The following HOXB3 variants were observed in gnomAD, a reference collection of about 807,000 sequenced individuals.
HOXB3 encodes homeobox B3.
A neutral mutation model predicts 29.2 loss-of-function variants in HOXB3; 17 were observed. The observed-to-expected ratio is 0.58, with a 90% CI of 0.40 to 0.87. HOXB3 has a LOEUF of 0.87. Ranked by LOEUF, HOXB3 falls within the 40% of genes least tolerant of loss-of-function variation. HOXB3 has a pLI of 0.00. For missense variants in HOXB3, 637 were observed against 616.3 expected (o/e 1.03, Z -0.35); for synonymous variants, 317 against 285.9 (o/e 1.11, Z -1.10).
intron 1 of HOXB3, among the ~76,000 whole-genome samples, chr17:48,586,422 AC>A (rs1269748107): frequency 1.3e-5 from 2 of 151,842 alleles, no homozygotes; most frequent in East Asian, 3.9e-4. Flanking sequence ...GCGTGCCCCC[AC>A]CCCCGGTCTA....
Position 48,554,956 on chromosome 17 carries a change from GC to G in HOXB3, c.-159+574del. 1 of 626,520 alleles carries G rather than the reference GC, an allele frequency of 1.6e-6. No individual in the cohort carries two copies. The highest frequency in any genetic ancestry group is 2.9e-6 in the Non-Finnish European group (1 of 349,642). The allele number at this position is 626,520 out of a possible 1,614,324, so 38.8% of individuals were successfully genotyped here. ...CAAGCCAAACAGATCTATTTCCCTT[GC>G]CTCCATGTTGGAAAAATTCAGGTTC... On this transcript the variant is annotated intron_variant, in intron 3 of 4. Transcript: ENST00000498678. The surrounding 1 kb of genome is among the most constrained non-coding windows in gnomAD (Gnocchi z 4.1).
Position 48,574,068 on chromosome 17 carries a change from T to G in HOXB3, c.-424-54A>C, listed in dbSNP as rs549703844. On this transcript the variant is annotated intron_variant, in intron 1 of 4. Transcript: ENST00000498678. ...TACGTATTTAAAGAAAAGAAGTGAT[T>G]AATGGTTTTCTGTATAATTCTCACA... 1.4e-5 allele frequency: 8 copies of G among 579,672 alleles called. No homozygotes were observed. In the South Asian group the frequency reaches 1.7e-4, roughly 13 times the overall value. 35.9% of individuals were successfully genotyped at this position (579,672 alleles called of 1,614,324 possible).
intron 3 of HOXB3, chr17:48,555,328 G>C (rs1597817863): frequency 7.4e-6 from 4 of 539,724 alleles, no homozygotes; most frequent in South Asian, 4.1e-5. Flanking sequence ...AGAGGGGAGA[G>C]AGAGAGGGAG....
intron 1 of HOXB3, chr17:48,578,059 G>T (rs1379525727): frequency 8.6e-6 from 10 of 1,169,422 alleles, no homozygotes; most frequent in Non-Finnish European, 1.1e-5. Flanking sequence ...GGGACAGACC[G>T]GGCGGTGGCG....
rs759220924 is a variant in HOXB3 at position 48,550,287 on chromosome 17, G to A, written c.*47C>T. On this transcript the variant is annotated 3_prime_UTR_variant, in exon 5 of 5. Transcript: ENST00000498678. ...CCAGGTTGCCCCCCAGAGCTCCACA[G>A]TCTCTCTCTTCCTCCCCATCCCCTA... 4 of 1,611,132 alleles carry A rather than the reference G, an allele frequency of 2.5e-6. No individual in the cohort carries two copies. Among genetic ancestry groups the A allele is most frequent in the Admixed American group, 1.7e-5 (1 of 59,930 alleles).
At chr17:48,568,175 GT>G (rs1167885748) in intron 2 of HOXB3, among the ~76,000 whole-genome samples, 1 of 152,144 alleles carries the variant, frequency 6.6e-6, no homozygotes, top group African/African-American at 2.4e-5. Flanking sequence ...TCAGAGTTGG[GT>G]TTGTTCATCC....
At chr17:48,569,586 T>C (rs978502522) in intron 2 of HOXB3, among the ~76,000 whole-genome samples, 1 of 152,174 alleles carries the variant, frequency 6.6e-6, no homozygotes, top group Non-Finnish European at 1.5e-5. Context: ...CCTTTAGGAT[T>C]AAGGTTCCCT....
intron 2 of HOXB3, among the ~76,000 whole-genome samples, chr17:48,566,957 T>C (rs1422134698): frequency 1.3e-5 from 2 of 152,210 alleles, no homozygotes; most frequent in African/African-American, 4.8e-5. Flanking sequence ...GGAGCCCCTA[T>C]GCCCCAGGTC....
intron 2 of HOXB3, among the ~76,000 whole-genome samples, chr17:48,570,079 G>A (rs2069534447): frequency 6.6e-6 from 1 of 152,126 alleles, no homozygotes; most frequent in Admixed American, 6.5e-5. Context: ...GGAGGGAAAA[G>A]AAAAGAAAAG....
rs1555637602 is a variant in HOXB3 at position 48,561,214 on chromosome 17, A to ACACACACACACACACACG, written c.-246-5597_-246-5596insCGTGTGTGTGTGTGTGTG. 1.1e-4 allele frequency among the ~76,000 whole-genome samples: 17 copies of ACACACACACACACACACG among 151,842 alleles called. No individual in the cohort carries two copies. In the East Asian group the frequency reaches 3.3e-3, roughly 29 times the overall value. On this transcript the variant is annotated intron_variant, in intron 2 of 4. Transcript: ENST00000498678. ...CACACACACACACACACACACACAC[A>ACACACACACACACACACG]CACACACACACACTGAACAATGACA... is the stretch of plus-strand genomic sequence containing the variant.
chr17:48,552,031 G>A lies in HOXB3; in HGVS notation c.444C>T (p.Gly148=). Residue 148 remains glycine (G), a synonymous_variant, in exon 4 of 5, where the codon GGC becomes GGT. Transcript: ENST00000498678. ...AGGAAGGCAGAGAACTGGTACCTGT[G>A]CCGGGGGAGTTGTTTTTCAGCTTGG... ...QTSKLKNNSP[G]TAEGCGGGGG... is the part of the protein sequence containing the mutation. 1 of 1,570,640 alleles carries A rather than the reference G, an allele frequency of 6.4e-7. No individual in the cohort carries two copies. The highest frequency in any genetic ancestry group is 8.7e-7 in the Non-Finnish European group (1 of 1,154,134).
At chr17:48,555,682 C>A in intron 2 of HOXB3, 64 bp from the exon 3 acceptor site, 1 of 693,586 alleles carries the variant, frequency 1.4e-6, no homozygotes, top group South Asian at 1.5e-5. Context: ...CCCCCGCCCC[C>A]GCCCCGCAAA....
Position 48,554,864 on chromosome 17 carries a change from A to T in HOXB3, c.-159+667T>A. Reference sequence around the variant, plus strand: ...GCCTGGCGGACGGGACAGTGGGAAGAGAGAAAGGTGCTAAGGGGACCCAAG... The same window carrying T: ...GCCTGGCGGACGGGACAGTGGGAAGTGAGAAAGGTGCTAAGGGGACCCAAG... On this transcript the variant is annotated intron_variant, in intron 3 of 4. Coordinates refer to ENST00000498678, the MANE Select transcript of HOXB3 (RefSeq NM_001384749.1). This position sits in a 1 kb window ranked among gnomAD's most constrained non-coding sequence, Gnocchi z 4.1. 1.4e-6 allele frequency: 1 copy of T among 702,096 alleles called. No homozygotes were observed. Among genetic ancestry groups the T allele is most frequent in the Non-Finnish European group, 2.6e-6 (1 of 384,692 alleles). The allele number at this position is 702,096 out of a possible 1,614,324, so 43.5% of individuals were successfully genotyped here.
At chr17:48,565,109 C>G (rs1320225000) in intron 2 of HOXB3, among the ~76,000 whole-genome samples, 2 of 152,102 alleles carry the variant, frequency 1.3e-5, no homozygotes, top group Non-Finnish European at 2.9e-5. Context: ...AAAAAAGAGA[C>G]CAAACCCACA....
At position 48,550,089 on chromosome 17, in the gene HOXB3, G is replaced by T; in HGVS notation, c.*245C>A. On this transcript the variant is annotated 3_prime_UTR_variant, in exon 5 of 5. Coordinates refer to ENST00000498678, the MANE Select transcript of HOXB3 (RefSeq NM_001384749.1). ...GTAGTGCTGGAGCCCTGGGGTTGAT[G>T]GGGTCATCTCCAATATGATGTGGAT... The T allele has an allele frequency of 4.0e-6, 2 of 502,696 alleles. No homozygotes were observed. Among genetic ancestry groups the T allele is most frequent in the Non-Finnish European group, 7.1e-6 (2 of 282,330 alleles). 31.1% of individuals were successfully genotyped at this position (502,696 alleles called of 1,614,324 possible). A position where few individuals can be genotyped will look rare whatever the true frequency, so the allele number is the denominator to read the frequency against.
chr17:48,550,872 G>A lies in HOXB3; in HGVS notation c.758C>T (p.Ala253Val). Residue 253 changes from alanine (A) to valine (V), a missense_variant, in exon 5 of 5, where the codon GCC (alanine) becomes GTC (valine). By Grantham distance (64) the Ala-to-Val change is moderately conservative. Coordinates refer to ENST00000498678, the MANE Select transcript of HOXB3 (RefSeq NM_001384749.1). ...TGGAGATGGGCCCCCCGACGACGAGGCCAATCCCTTGGCCTTCTGGTCCTT... is the reference window on the plus strand; with the variant it reads ...TGGAGATGGGCCCCCCGACGACGAGACCAATCCCTTGGCCTTCTGGTCCTT... ...YKKDQKAKGL[A>V]SSSGGPSPAG... The A allele has an allele frequency of 6.2e-7, 1 of 1,613,940 alleles. No homozygotes were observed. The highest frequency in any genetic ancestry group is 8.5e-7 in the Non-Finnish European group (1 of 1,179,916).
Position 48,550,706 on chromosome 17 carries a change from G to A in HOXB3, c.924C>T (p.Tyr308=). Residue 308 remains tyrosine (Y), a synonymous_variant, in exon 5 of 5, where the codon TAC becomes TAT. Coordinates refer to ENST00000498678, the MANE Select transcript of HOXB3 (RefSeq NM_001384749.1). ...HQNAYALPSN[Y]QPPLKGCGAP... ...CGCCGCAGCCTTTGAGAGGGGGCTG[G>A]TAGTTGGAGGGCAGCGCGTAGGCAT... 2 of 1,545,576 alleles carry A rather than the reference G, an allele frequency of 1.3e-6. No homozygotes were observed. Among genetic ancestry groups the A allele is most frequent in the Non-Finnish European group, 1.7e-6 (2 of 1,145,200 alleles).
intron 1 of HOXB3, among the ~76,000 whole-genome samples, chr17:48,587,362 GGGGA>G (rs2070066512): frequency 6.6e-6 from 1 of 152,138 alleles, no homozygotes. Flanking sequence ...CTCCAAAAAT[GGGGA>G]GGGTTACCAG....
chr17:48,557,597 T>G lies in HOXB3; in HGVS notation c.-246-1979A>C, dbSNP rs113787051. 4.0e-3 allele frequency among the ~76,000 whole-genome samples: 609 copies of G among 152,110 alleles called. 8 individuals are homozygous for G. Among genetic ancestry groups the G allele is most frequent in the African/African-American group, 0.014 (583 of 41,468 alleles). On this transcript the variant is annotated intron_variant, in intron 2 of 4. Coordinates refer to ENST00000498678, the MANE Select transcript of HOXB3 (RefSeq NM_001384749.1). ...GGGGGTACCTATGGCCTTCCTGCCC[T>G]CCAGCAACAGAAGCCACTTGCAGAG...
Sources: gnomAD v4.1 joint callset for allele counts (sites outside exome capture counted in the v4.1 genomes callset) on GRCh38, gnomAD v4.1.1 for gene constraint, Gnocchi (gnomAD v3.1) non-coding constraint, MANE v1.5 for transcripts, NCBI Gene and HGNC (gene_info 2026-07-23, HGNC 2026-07-21) for gene names.